LMTK2: variants seen among roughly 807,000 people sequenced by gnomAD.
LMTK2 encodes the protein serine/threonine-protein kinase LMTK2.
LMTK2 carries 37 observed loss-of-function variants against 127.5 expected under a neutral mutation model. That is an observed-to-expected ratio of 0.29 (90% CI 0.22 to 0.38). The LOEUF is 0.38. Ranked by LOEUF, LMTK2 falls within the 10% of genes least tolerant of loss-of-function variation. LMTK2 has a pLI of 1.00. For missense variants in LMTK2, 1,694 were observed against 1,920.3 expected, an observed-to-expected ratio of 0.88 and a Z score of 2.20; for synonymous variants, 819 against 810.1, an observed-to-expected ratio of 1.01 and a Z score of -0.19.
Position 98,171,675 on chromosome 7 carries a change from G to A in LMTK2, c.791+1G>A. The A allele has an allele frequency of 6.3e-7, 1 of 1,577,988 alleles. No individual in the cohort carries two copies. Among genetic ancestry groups the A allele is most frequent in the Non-Finnish European group, 8.6e-7 (1 of 1,163,024 alleles). On this transcript the variant is annotated splice_donor_variant, in intron 7 of 13. Transcript: ENST00000297293. LOFTEE classifies it high-confidence loss of function. The surrounding 1 kb of genome is among the most constrained non-coding windows in gnomAD (Gnocchi z 5.1). ...TGCACAAGCTGCACTTCCTGCACAG[G>A]TGGGTACCTGCGTCAGCGGTGCACG...
At chr7:98,110,175 G>A (rs1205048599) in intron 1 of LMTK2, among the ~76,000 whole-genome samples, 1 of 152,080 alleles carries the variant, frequency 6.6e-6, no homozygotes, top group Non-Finnish European at 1.5e-5. Context: ...CTGAAATTCA[G>A]CTTTTAAACT....
intron 1 of LMTK2, among the ~76,000 whole-genome samples, chr7:98,112,079 T>A (rs772418378): frequency 6.6e-6 from 1 of 152,240 alleles, no homozygotes; most frequent in Non-Finnish European, 1.5e-5. Flanking sequence ...TAAACACAAT[T>A]GTGTATTGTC....
chr7:98,146,344 C>G (rs559587346), intron 3 of LMTK2, among the ~76,000 whole-genome samples: 1 of 152,184 alleles, frequency 6.6e-6, no homozygotes, highest in Non-Finnish European at 1.5e-5. Flanking sequence ...AAGTATCAGC[C>G]TTCCTATTTC....
At chr7:98,167,455 G>A (rs1227524448) in intron 6 of LMTK2, among the ~76,000 whole-genome samples, 6 of 152,340 alleles carry the variant, frequency 3.9e-5, no homozygotes, top group African/African-American at 1.4e-4. Context: ...GGAGACTGGC[G>A]CAGGTGTGTC....
chr7:98,204,112 G>A lies in LMTK2; in HGVS notation c.4409G>A (p.Arg1470Gln), dbSNP rs145344475. The A allele has an allele frequency of 1.0e-4, 169 of 1,612,772 alleles. No individual in the cohort carries two copies. Among genetic ancestry groups the A allele is most frequent in the Middle Eastern group, 1.7e-4 (1 of 6,060 alleles). Reference protein sequence around the residue: ...QSWPHSAPYSRFSISPANIAS... With the variant: ...QSWPHSAPYSQFSISPANIAS... The stretch of plus-strand genomic sequence containing the variant: ...TGGCCGCACTCGGCGCCTTACTCCC[G>A]GTTCTCCATCTCTCCCGCCAACATT... The change falls in exon 13 of 14, where the codon CGG (arginine) becomes CAG (glutamine). Residue 1470 changes from arginine (R) to glutamine (Q), a missense_variant. Coordinates refer to ENST00000297293, the MANE Select transcript of LMTK2 (RefSeq NM_014916.4).
rs139255412 is a variant in LMTK2 at position 98,138,098 on chromosome 7, G to A, written c.231+656G>A. On this transcript the variant is annotated intron_variant, in intron 2 of 13. Transcript: ENST00000297293. ...ATGGACCAGTGAACCAGCCAGGAAG[G>A]CCTCTAGAACTTACTGCATGCCTGC... Among the ~76,000 whole-genome samples the A allele has an allele frequency of 8.5e-4, 130 of 152,290 alleles. 1 individual carries two copies. Among genetic ancestry groups the A allele is most frequent in the African/African-American group, 3.0e-3 (125 of 41,538 alleles).
At chr7:98,156,842 G>T (rs1235813461) in intron 5 of LMTK2, among the ~76,000 whole-genome samples, 1 of 152,206 alleles carries the variant, frequency 6.6e-6, no homozygotes, top group African/African-American at 2.4e-5. Flanking sequence ...CTGTCTGCTG[G>T]CAGAGTTCTT....
Position 98,193,317 on chromosome 7 carries a change from A to G in LMTK2, c.2852A>G (p.Asn951Ser). The G allele has an allele frequency of 6.2e-7, 1 of 1,614,130 alleles. No homozygotes were observed. Among genetic ancestry groups the G allele is most frequent in the South Asian group, 1.1e-5 (1 of 91,082 alleles). The change falls in exon 11 of 14, where the codon AAT becomes AGT. Residue 951 changes from asparagine to serine, a missense_variant. Transcript: ENST00000297293. This position sits in a 1 kb window ranked among gnomAD's most constrained non-coding sequence, Gnocchi z 4.1. Reference sequence around the variant, plus strand: ...AACTTAGAGGCTGTGGAGACTTTAAATCAGCTCAATTCTAAAGACGCAGCA... The same window carrying G: ...AACTTAGAGGCTGTGGAGACTTTAAGTCAGCTCAATTCTAAAGACGCAGCA... ...EKNLEAVETL[N>S]QLNSKDAAKE...
chr7:98,114,861 T>A (rs893208530), intron 1 of LMTK2, among the ~76,000 whole-genome samples: 3 of 152,186 alleles, frequency 2.0e-5, no homozygotes, highest in Non-Finnish European at 4.4e-5. Flanking sequence ...TTATTTTTTT[T>A]AAAACCTCTT....
intron 6 of LMTK2, among the ~76,000 whole-genome samples, chr7:98,169,408 C>A (rs544231562): frequency 1.3e-5 from 2 of 152,346 alleles, no homozygotes; most frequent in African/African-American, 4.8e-5. Flanking sequence ...CCTTGAGAAG[C>A]AGCCACGCCC....
At chr7:98,140,655 ATTTAT>A (rs1298136477) in intron 2 of LMTK2, among the ~76,000 whole-genome samples, 2 of 152,190 alleles carry the variant, frequency 1.3e-5, no homozygotes, top group African/African-American at 4.8e-5. Context: ...GTCTTTCAAC[ATTTAT>A]TTTGATAGAA....
rs1797782975 is a variant in LMTK2 at position 98,205,704 on chromosome 7, C to T, written c.*212C>T. The T allele has an allele frequency of 8.2e-6, 5 of 607,678 alleles. No homozygotes were observed. Among genetic ancestry groups the T allele is most frequent in the Non-Finnish European group, 1.5e-5 (5 of 343,826 alleles). The allele number at this position is 607,678 out of a possible 1,614,324, so 37.6% of individuals were successfully genotyped here. ...GAGCGAGGCCGTGTCCAGGAGCCGG[C>T]GTCCCTCAGTGCCCCGTGCACCCGC... On this transcript the variant is annotated 3_prime_UTR_variant, in exon 14 of 14. Transcript: ENST00000297293.
chr7:98,110,828 C>T (rs1056097034), intron 1 of LMTK2, among the ~76,000 whole-genome samples: 13 of 152,158 alleles, frequency 8.5e-5, no homozygotes, highest in African/African-American at 2.2e-4. Context: ...CACGGAAGCC[C>T]GTGAAGCCAG....
intron 6 of LMTK2, among the ~76,000 whole-genome samples, chr7:98,168,120 C>A (rs1228961460): frequency 2.0e-5 from 3 of 152,056 alleles, no homozygotes; most frequent in African/African-American, 7.3e-5. Context: ...CCAGGACCGA[C>A]CAGGCTTCTG....
intron 1 of LMTK2, among the ~76,000 whole-genome samples, chr7:98,133,544 C>G (rs1796554911): frequency 6.6e-6 from 1 of 150,850 alleles, no homozygotes; most frequent in African/African-American, 2.4e-5. Context: ...TTGGATTCAT[C>G]AAAAGAAAAA....
At position 98,209,193 on chromosome 7, in the gene LMTK2, G is replaced by T. The variant is rs1345500778; in HGVS notation, c.*3701G>T. The T allele has an allele frequency of 1.3e-5, 2 of 152,218 alleles. No homozygotes were observed. Among genetic ancestry groups the T allele is most frequent in the African/African-American group, 4.8e-5 (2 of 41,458 alleles). 9.4% of individuals were successfully genotyped at this position (152,218 alleles called of 1,614,324 possible). The stretch of plus-strand genomic sequence containing the variant: ...AAACAATATTCCTAAGTAGCAATGG[G>T]GTTGGCTCAAGTCTTTATTAACAAA... On this transcript the variant is annotated 3_prime_UTR_variant, in exon 14 of 14. Transcript: ENST00000297293.
Position 98,171,551 on chromosome 7 carries a change from A to G in LMTK2, c.668A>G (p.Lys223Arg). 1 of 1,614,086 alleles carries G rather than the reference A, an allele frequency of 6.2e-7. No individual in the cohort carries two copies. Among genetic ancestry groups the G allele is most frequent in the Non-Finnish European group, 8.5e-7 (1 of 1,180,046 alleles). ...VFEFCDLGDL[K>R]AYLRSEQEHM... ...GGCTGACTTTTGCAGGGTGACCTGA[A>G]GGCGTATCTGCGCAGCGAGCAGGAG... Residue 223 changes from lysine (K) to arginine (R), a missense_variant, in exon 7 of 14, where the codon AAG becomes AGG. Around this residue, in one of 8 missense-constraint regions of LMTK2, gnomAD observed 203 missense variants for 226.2 expected, o/e 0.90. Coordinates refer to ENST00000297293, the MANE Select transcript of LMTK2 (RefSeq NM_014916.4). This position sits in a 1 kb window ranked among gnomAD's most constrained non-coding sequence, Gnocchi z 5.1.
At chr7:98,134,332 A>G (rs1003727994) in intron 1 of LMTK2, among the ~76,000 whole-genome samples, 1 of 152,240 alleles carries the variant, frequency 6.6e-6, no homozygotes, top group African/African-American at 2.4e-5. Flanking sequence ...GAAGTGTGAG[A>G]TGCACCTGAA....
intron 7 of LMTK2, among the ~76,000 whole-genome samples, chr7:98,178,204 G>A (rs527357385): frequency 6.6e-6 from 1 of 152,256 alleles, no homozygotes; most frequent in Non-Finnish European, 1.5e-5. Flanking sequence ...TTTGCTTCCT[G>A]TCTGTGAACT....
Sources: gnomAD v4.1 joint callset for allele counts (sites outside exome capture counted in the v4.1 genomes callset) on GRCh38, gnomAD v4.1.1 for gene constraint, gnomAD v4.1.1 regional missense constraint, Gnocchi (gnomAD v3.1) non-coding constraint, MANE v1.5 for transcripts, NCBI Gene and HGNC (gene_info 2026-07-23, HGNC 2026-07-21) for gene names.